CPSF2: variants seen among roughly 807,000 people sequenced by gnomAD.
CPSF2 encodes the protein cleavage and polyadenylation specificity factor subunit 2.
CPSF2 carries 51 observed loss-of-function variants against 84.2 expected under a neutral mutation model. The ratio of observed to expected loss-of-function variants is 0.61; its 90% CI spans 0.48 to 0.77. The LOEUF (loss-of-function observed/expected upper bound fraction) is 0.77. Ranked by LOEUF, CPSF2 falls within the 30% of genes least tolerant of loss-of-function variation. The pLI is 0.00. For missense variants in CPSF2, 641 were observed against 929.4 expected (o/e 0.69, Z 4.03); for synonymous variants, 286 against 311.9 (o/e 0.92, Z 0.87).
rs1291591892 is a variant in CPSF2, at chr14:92,157,493, C to T, written c.1596-166C>T. ...CTGCACTCTAGCCTGGGCAAAAGAG[C>T]GAGACCCAATCTCAGAAAAATAAAA... is the stretch of plus-strand genomic sequence containing the variant. On this transcript the variant is annotated intron_variant, in intron 12 of 15. Coordinates refer to ENST00000298875, the MANE Select transcript of CPSF2 (RefSeq NM_017437.3). This position sits in a 1 kb window ranked among gnomAD's most constrained non-coding sequence, Gnocchi z 4.0. 1.3e-5 allele frequency among the ~76,000 whole-genome samples: 2 copies of T among 151,870 alleles called. No homozygotes were observed. The highest frequency in any genetic ancestry group is 2.9e-5 in the Non-Finnish European group (2 of 67,982).
At position 92,134,154 on chromosome 14, in the gene CPSF2, T is replaced by G. The variant is rs887302335; in HGVS notation, c.293T>G (p.Met98Arg). 6.2e-7 allele frequency: 1 copy of G among 1,614,032 alleles called. No homozygotes were observed. Among genetic ancestry groups the G allele is most frequent in the African/African-American group, 1.3e-5 (1 of 74,934 alleles). Residue 98 changes from methionine (M) to arginine (R), a missense_variant, in exon 4 of 16, where the codon ATG (methionine) becomes AGG (arginine). Around this residue, in one of 2 missense-constraint regions of CPSF2, gnomAD observed 211 missense variants for 375.7 expected, o/e 0.56. Coordinates refer to ENST00000298875, the MANE Select transcript of CPSF2 (RefSeq NM_017437.3). ...IPVYKMGQMFMYDLYQSRHNT... is the reference protein window; with the variant it reads ...IPVYKMGQMFRYDLYQSRHNT... ...GTTTATAAAATGGGACAGATGTTCA[T>G]GTATGATCTTTATCAGGTAATTTAA... is the stretch of plus-strand genomic sequence containing the variant.
rs578007122 is a variant in CPSF2 at position 92,170,084 on chromosome 14, A to G, written c.*8340A>G. ...AGATTGAGGCTTCAGTGAGCTAATGATCGCGCCACTGCACTCCAGCCTGGG... is the reference window on the plus strand; with the variant it reads ...AGATTGAGGCTTCAGTGAGCTAATGGTCGCGCCACTGCACTCCAGCCTGGG... On this transcript the variant is annotated 3_prime_UTR_variant, in exon 16 of 16. Coordinates refer to ENST00000298875, the MANE Select transcript of CPSF2 (RefSeq NM_017437.3). 6.6e-6 allele frequency: 1 copy of G among 152,314 alleles called. No individual in the cohort carries two copies. Among genetic ancestry groups the G allele is most frequent in the South Asian group, 2.1e-4 (1 of 4,824 alleles). The allele number at this position is 152,314 out of a possible 1,614,324, so 9.4% of individuals were successfully genotyped here.
chr14:92,131,092 G>A lies in CPSF2; in HGVS notation c.108G>A (p.Trp36Ter). 1 of 1,612,448 alleles carries A rather than the reference G, an allele frequency of 6.2e-7. No individual in the cohort carries two copies. Among genetic ancestry groups the A allele is most frequent in the Non-Finnish European group, 8.5e-7 (1 of 1,179,316 alleles). Residue 36 changes from tryptophan to a stop codon, truncating the protein, a stop_gained, in exon 3 of 16, where the codon TGG becomes TGA. Transcript: ENST00000298875. LOFTEE classifies it high-confidence loss of function. Reference protein sequence around the residue: ...DEFRFLLDCGWDEHFSMDIID... With the variant: ...DEFRFLLDCG ...TTAGATTTTTATTGGACTGTGGCTGGGATGAGCACTTTTCTATGGATATTA... is the reference window on the plus strand; with the variant it reads ...TTAGATTTTTATTGGACTGTGGCTGAGATGAGCACTTTTCTATGGATATTA...
chr14:92,148,201 G>A (rs916600466), intron 9 of CPSF2, among the ~76,000 whole-genome samples: 6 of 152,022 alleles, frequency 3.9e-5, no homozygotes, highest in Admixed American at 1.3e-4. Context: ...ATTTCAAACA[G>A]GAAAGTTACA....
At chr14:92,123,106 T>C (rs1172690721) in intron 1 of CPSF2, among the ~76,000 whole-genome samples, 3 of 152,166 alleles carry the variant, frequency 2.0e-5, no homozygotes, top group Non-Finnish European at 2.9e-5. Context: ...TAGTTCACCT[T>C]AGTTGTCATC....
chr14:92,132,918 G>A (rs1271555099), intron 3 of CPSF2, among the ~76,000 whole-genome samples: 1 of 151,006 alleles, frequency 6.6e-6, no homozygotes, highest in Non-Finnish European at 1.5e-5. Context: ...TGGTGAAAGT[G>A]TGTCTCTACT....
At position 92,161,313 on chromosome 14, in the gene CPSF2, T is replaced by C. The variant is rs867952846; in HGVS notation, c.2256+67T>C. On this transcript the variant is annotated intron_variant, in intron 15 of 15. Coordinates refer to ENST00000298875, the MANE Select transcript of CPSF2 (RefSeq NM_017437.3). ...CTGATGTTTTGTCATTTTGAAATTCTGTAATTCTTGTTTGGTATTTTCACA... is the reference window on the plus strand; with the variant it reads ...CTGATGTTTTGTCATTTTGAAATTCCGTAATTCTTGTTTGGTATTTTCACA... The C allele has an allele frequency of 4.0e-6, 6 of 1,509,828 alleles. No homozygotes were observed. The African/African-American group carries it at 8.6e-5, about 22-fold the overall frequency. The allele number at this position is 1,509,828 out of a possible 1,614,324, so 93.5% of individuals were successfully genotyped here. A position where few individuals can be genotyped will look rare whatever the true frequency, so the allele number is the denominator to read the frequency against.
In CPSF2 at chr14:92,166,843, T is replaced by C. The variant is rs10148544; in HGVS notation, c.*5099T>C. 0.099 allele frequency: 15,017 copies of C among 152,120 alleles called. 820 individuals carry two copies. The highest frequency in any genetic ancestry group is 0.15 in the East Asian group (790 of 5,176). The allele number at this position is 152,120 out of a possible 1,614,324, so 9.4% of individuals were successfully genotyped here. ...CTTGAAATTATGTTTCATTGATCTA[T>C]ATATCTATGCTAGTACCACATGTCT... On this transcript the variant is annotated 3_prime_UTR_variant, in exon 16 of 16. Transcript: ENST00000298875.
intron 9 of CPSF2, among the ~76,000 whole-genome samples, chr14:92,153,189 TG>T (rs750044649): frequency 6.6e-6 from 1 of 152,060 alleles, no homozygotes; most frequent in Non-Finnish European, 1.5e-5. Context: ...AAAACAATTA[TG>T]TTTTTTATAT....
At position 92,143,074 on chromosome 14, in the gene CPSF2, A is replaced by T; in HGVS notation, c.920A>T (p.His307Leu). The change falls in exon 9 of 16, where the codon CAT becomes CTT. Residue 307 changes from histidine to leucine, a missense_variant. Transcript: ENST00000298875. ...DKRNNPFQFR[H>L]LSLCHGLSDL... is the part of the protein sequence containing the mutation. The stretch of plus-strand genomic sequence containing the variant: ...AGAAATAATCCGTTTCAGTTTCGCC[A>T]TCTCTCTTTATGTCATGGTCTTTCT... 6.2e-7 allele frequency: 1 copy of T among 1,614,018 alleles called. No homozygotes were observed. The highest frequency in any genetic ancestry group is 8.5e-7 in the Non-Finnish European group (1 of 1,179,938).
At chr14:92,127,878 AATTTT>A (rs2068862606) in intron 2 of CPSF2, among the ~76,000 whole-genome samples, 1 of 152,194 alleles carries the variant, frequency 6.6e-6, no homozygotes, top group Non-Finnish European at 1.5e-5. Flanking sequence ...ATTATTGTCT[AATTTT>A]ATTTTCTGAT....
At chr14:92,123,441 C>G (rs1275775313) in intron 1 of CPSF2, among the ~76,000 whole-genome samples, 1 of 151,926 alleles carries the variant, frequency 6.6e-6, no homozygotes, top group South Asian at 2.1e-4. Context: ...TCTGTCCACC[C>G]AGGCTGGAGT....
intron 14 of CPSF2, among the ~76,000 whole-genome samples, chr14:92,159,998 T>C (rs1486556291): frequency 6.6e-6 from 1 of 152,160 alleles, no homozygotes; most frequent in African/African-American, 2.4e-5. Flanking sequence ...AGTCTCGCTC[T>C]GTTGCCCAGG....
At chr14:92,122,309 C>G (rs986953572) in intron 1 of CPSF2, 181 bp downstream of exon 1, 1 of 213,764 alleles carries the variant, frequency 4.7e-6, no homozygotes, top group Non-Finnish European at 9.7e-6. Flanking sequence ...AGAGAAGTGA[C>G]TTCTCCATGG....
At chr14:92,139,950 AT>A (rs34354391) in intron 7 of CPSF2, among the ~76,000 whole-genome samples, 201 of 97,660 alleles carry the variant, frequency 2.1e-3, no homozygotes, top group Middle Eastern at 8.5e-3. Flanking sequence ...AAGTACAACT[AT>A]TTTTTTTTTT....
chr14:92,154,730 C>T (rs914952928), intron 10 of CPSF2, among the ~76,000 whole-genome samples: 3 of 152,206 alleles, frequency 2.0e-5, no homozygotes, highest in Non-Finnish European at 4.4e-5. Context: ...AGAAAAGTGT[C>T]GTTAGGGGAT....
chr14:92,158,697 G>A (rs2069324774), intron 13 of CPSF2, among the ~76,000 whole-genome samples: 1 of 152,148 alleles, frequency 6.6e-6, no homozygotes, highest in African/African-American at 2.4e-5. Flanking sequence ...AATCTTACCA[G>A]TTATGTTAGA....
chr14:92,130,634 T>C (rs2068910192), intron 2 of CPSF2, among the ~76,000 whole-genome samples: 1 of 152,238 alleles, frequency 6.6e-6, no homozygotes, highest in African/African-American at 2.4e-5. Context: ...ATTAACTTGC[T>C]TCAAATCACA....
chr14:92,150,639 A>G (rs768163095), intron 9 of CPSF2, among the ~76,000 whole-genome samples: 1 of 151,908 alleles, frequency 6.6e-6, no homozygotes, highest in Non-Finnish European at 1.5e-5. Flanking sequence ...CGCTGCCCAT[A>G]TGGTCTCGAA....
Sources: allele counts gnomAD v4.1 joint callset (sites outside exome capture counted in the v4.1 genomes callset), GRCh38; gene constraint gnomAD v4.1.1; regional missense constraint gnomAD v4.1.1; non-coding constraint Gnocchi (gnomAD v3.1); transcripts MANE v1.5; gene names NCBI Gene and HGNC (gene_info 2026-07-23, HGNC 2026-07-21).